AHDC1: variants seen among roughly 807,000 people sequenced by gnomAD.
The protein encoded by AHDC1 is transcription factor Gibbin.
A neutral mutation model predicts 87.9 loss-of-function variants in AHDC1; 7 were observed. The ratio of observed to expected loss-of-function variants is 0.08; its 90% CI spans 0.05 to 0.15. The LOEUF is 0.15. Ranked by LOEUF, AHDC1 falls within the 10% of genes least tolerant of loss-of-function variation. The pLI is 1.00. For missense variants in AHDC1, 1,841 were observed against 2,253.2 expected (o/e 0.82, Z 3.70); for synonymous variants, 1,051 against 1,006.8 (o/e 1.04, Z -0.83).
intron 8 of AHDC1, among the ~76,000 whole-genome samples, chr1:27,538,350 C>CTGAGATCGT (rs2018740325): frequency 6.9e-6 from 1 of 145,520 alleles, no homozygotes; most frequent in African/African-American, 2.6e-5. Context: ...TTGCAGTGAG[C>CTGAGATCGT]TGAGATCGTG....
rs200495289 is a variant in AHDC1 at position 27,548,790 on chromosome 1, G to A, written c.3326C>T (p.Pro1109Leu). The A allele has an allele frequency of 2.0e-4, 315 of 1,612,976 alleles. No homozygotes were observed. The highest frequency in any genetic ancestry group is 2.6e-4 in the Non-Finnish European group (307 of 1,179,884). The change falls in exon 8 of 9, where the codon CCT becomes CTT. Residue 1109 changes from proline (P) to leucine (L), a missense_variant. Around this residue, in one of 13 missense-constraint regions of AHDC1, gnomAD observed 378 missense variants for 399.0 expected, o/e 0.95. Transcript: ENST00000673934. Reference sequence around the variant, plus strand: ...CAGGCCTCCATAGCCCTGCCGGAAAGGCCACTGAGAAGCCCCCGCAAACTG... The same window carrying A: ...CAGGCCTCCATAGCCCTGCCGGAAAAGCCACTGAGAAGCCCCCGCAAACTG... ...CRQFAGASQW[P>L]FRQGYGGLDW...
In AHDC1 at chr1:27,562,485, G is replaced by C. The variant is rs1213538299; in HGVS notation, c.-628-3602C>G. Among the ~76,000 whole-genome samples, 4 of 152,162 alleles carry C rather than the reference G, an allele frequency of 2.6e-5. No individual in the cohort carries two copies. The highest frequency in any genetic ancestry group is 2.6e-4 in the Admixed American group (4 of 15,284). On this transcript the variant is annotated intron_variant, in intron 3 of 8. Transcript: ENST00000673934. This position sits in a 1 kb window ranked among gnomAD's most constrained non-coding sequence, Gnocchi z 4.4. ...AGGGACACAGCCCCCTGCCTCCCAT[G>C]CAAACCCTGCCTTGGTGCCCCACCT...
In AHDC1 at chr1:27,550,967, G is replaced by T; in HGVS notation, c.1149C>A (p.Ala383=). The change falls in exon 8 of 9, where the codon GCC becomes GCA. Residue 383 remains alanine, a synonymous_variant. Transcript: ENST00000673934. ...TCTTTGGCCTATCAGTGCGCCGCAA[G>T]GCGTACTTGGGGTGACCCTCAGGCC... is the stretch of plus-strand genomic sequence containing the variant. ...PPGPEGHPKY[A]LRRTDRPKIL... 6.3e-7 allele frequency: 1 copy of T among 1,595,360 alleles called. No homozygotes were observed. The highest frequency in any genetic ancestry group is 1.1e-5 in the South Asian group (1 of 90,168).
In AHDC1 at chr1:27,550,274, G is replaced by A. The variant is rs150761117; in HGVS notation, c.1842C>T (p.Asp614=). 6.4e-5 allele frequency: 103 copies of A among 1,614,014 alleles called. No homozygotes were observed. In the African/African-American group the frequency reaches 1.1e-3, roughly 17 times the overall value. The part of the protein sequence containing the change: ...DANDSKAEYS[D]VLAKLAFLNR... ...TCAGGAAGGCCAGCTTGGCCAGGAC[G>A]TCTGAGTACTCGGCCTTGCTGTCGT... The change falls in exon 8 of 9, where the codon GAC becomes GAT. Residue 614 remains aspartate (D), a synonymous_variant. Coordinates refer to ENST00000673934, the MANE Select transcript of AHDC1 (RefSeq NM_001371928.1).
At chr1:27,570,185 C>T (rs761845560) in intron 3 of AHDC1, among the ~76,000 whole-genome samples, 1 of 152,114 alleles carries the variant, frequency 6.6e-6, no homozygotes, top group Admixed American at 6.5e-5. Context: ...GAATGCTCCT[C>T]CCTGCCCCCT....
chr1:27,549,757 C>T lies in AHDC1; in HGVS notation c.2359G>A (p.Ala787Thr), dbSNP rs759463763. The change falls in exon 8 of 9, where the codon GCT becomes ACT. Residue 787 changes from alanine to threonine, a missense_variant. This residue lies in a region of AHDC1 where 236 missense variants were observed against 257.9 expected (regional missense o/e 0.92). Transcript: ENST00000673934. ...APHHGHPGGQ[A>T]GRNCGFQGTE... ...CCCTGAAACCCACAGTTTCGGCCAG[C>T]TTGTCCGCCTGGGTGCCCATGGTGA... 7 of 1,613,190 alleles carry T rather than the reference C, an allele frequency of 4.3e-6. No homozygotes were observed. The Admixed American group carries it at 1.2e-4, about 27-fold the overall frequency.
chr1:27,579,386 C>G (rs536672720), intron 3 of AHDC1, among the ~76,000 whole-genome samples: 2 of 152,274 alleles, frequency 1.3e-5, no homozygotes, highest in African/African-American at 4.8e-5. Context: ...CTCACCACCC[C>G]ACACCACCCC....
chr1:27,574,827 G>A (rs2088661861), intron 3 of AHDC1, among the ~76,000 whole-genome samples: 1 of 152,210 alleles, frequency 6.6e-6, no homozygotes, highest in South Asian at 2.1e-4. Context: ...ATAGTGCCAA[G>A]AGTGAGCCCT....
intron 3 of AHDC1, among the ~76,000 whole-genome samples, chr1:27,591,109 G>T (rs999334916): frequency 6.6e-6 from 1 of 152,216 alleles, no homozygotes; most frequent in Non-Finnish European, 1.5e-5. Flanking sequence ...TGTTGCCAGG[G>T]AGTTTCCACC....
At chr1:27,543,050 C>T (rs111836852) in intron 8 of AHDC1, among the ~76,000 whole-genome samples, 1 of 152,352 alleles carries the variant, frequency 6.6e-6, no homozygotes, top group East Asian at 1.9e-4. Flanking sequence ...AGAGCAGCTG[C>T]GGCCTGGTCC....
At chr1:27,583,517 A>G (rs190176869) in intron 3 of AHDC1, among the ~76,000 whole-genome samples, 169 of 152,134 alleles carry the variant, frequency 1.1e-3, no homozygotes, top group Non-Finnish European at 2.0e-3. Flanking sequence ...TTCATTCTCT[A>G]ATTGTTTCCT....
At chr1:27,572,235 G>C (rs1161838650) in intron 3 of AHDC1, among the ~76,000 whole-genome samples, 1 of 152,170 alleles carries the variant, frequency 6.6e-6, no homozygotes, top group African/African-American at 2.4e-5. Flanking sequence ...GCCTGTTCCT[G>C]ACTTAGGCAC....
At position 27,547,583 on chromosome 1, in the gene AHDC1, C is replaced by G. The variant is rs139569820; in HGVS notation, c.4533G>C (p.Thr1511=). The change falls in exon 8 of 9, where the codon ACG becomes ACC. Residue 1511 remains threonine, a synonymous_variant. Coordinates refer to ENST00000673934, the MANE Select transcript of AHDC1 (RefSeq NM_001371928.1). This position sits in a 1 kb window ranked among gnomAD's most constrained non-coding sequence, Gnocchi z 4.9. ...CCAGTGGCTCCTTGTCGGCCTTGGG[C>G]GTGGCTGGTGGGCTAGCCAGGTGAG... ...SAPHLASPPA[T]PKADKEPLEM... is the part of the protein sequence containing the mutation. 1 of 1,608,374 alleles carries G rather than the reference C, an allele frequency of 6.2e-7. No individual in the cohort carries two copies. Among genetic ancestry groups the G allele is most frequent in the South Asian group, 1.1e-5 (1 of 90,570 alleles).
intron 3 of AHDC1, among the ~76,000 whole-genome samples, chr1:27,576,635 A>G (rs2148422122): frequency 6.6e-6 from 1 of 152,338 alleles, no homozygotes; most frequent in Non-Finnish European, 1.5e-5. Context: ...CACTGAACAC[A>G]GTGTTCACCC....
At position 27,562,016 on chromosome 1, in the gene AHDC1, C is replaced by G. The variant is rs139467936; in HGVS notation, c.-628-3133G>C. 6.6e-6 allele frequency among the ~76,000 whole-genome samples: 1 copy of G among 151,718 alleles called. No homozygotes were observed. Among genetic ancestry groups the G allele is most frequent in the Non-Finnish European group, 1.5e-5 (1 of 67,936 alleles). On this transcript the variant is annotated intron_variant, in intron 3 of 8. Coordinates refer to ENST00000673934, the MANE Select transcript of AHDC1 (RefSeq NM_001371928.1). The surrounding 1 kb of genome is among the most constrained non-coding windows in gnomAD (Gnocchi z 4.4). Reference sequence around the variant, plus strand: ...AAGAGCCCCAGAGGGGAGAGAGGCACGGGGGAAGCGAGCCAGGCAGAGATG... The same window carrying G: ...AAGAGCCCCAGAGGGGAGAGAGGCAGGGGGGAAGCGAGCCAGGCAGAGATG...
chr1:27,574,209 G>A (rs532186067), intron 3 of AHDC1, among the ~76,000 whole-genome samples: 10 of 152,284 alleles, frequency 6.6e-5, no homozygotes, highest in Admixed American at 2.0e-4. Flanking sequence ...GCCAGCCCCC[G>A]CCCCACCCCC....
chr1:27,584,628 T>C (rs897557910), intron 3 of AHDC1, among the ~76,000 whole-genome samples: 46 of 152,152 alleles, frequency 3.0e-4, no homozygotes, highest in Admixed American at 1.0e-3. Context: ...ACCTCTCCCA[T>C]TGGTGGCCAG....
intron 3 of AHDC1, among the ~76,000 whole-genome samples, chr1:27,576,442 A>T (rs538811300): frequency 6.6e-6 from 1 of 152,242 alleles, no homozygotes; most frequent in African/African-American, 2.4e-5. Flanking sequence ...CTGCTAACAC[A>T]GGGCACCTGC....
intron 3 of AHDC1, among the ~76,000 whole-genome samples, 155 bp downstream of exon 3, chr1:27,603,242 G>C (rs1452532840): frequency 6.8e-6 from 1 of 146,254 alleles, no homozygotes; most frequent in Non-Finnish European, 1.5e-5. Context: ...CGCGGGCCCC[G>C]GTGGAAACAA....
Sources: gnomAD v4.1 joint callset for allele counts (sites outside exome capture counted in the v4.1 genomes callset) on GRCh38, gnomAD v4.1.1 for gene constraint, gnomAD v4.1.1 regional missense constraint, Gnocchi (gnomAD v3.1) non-coding constraint, MANE v1.5 for transcripts, NCBI Gene and HGNC (gene_info 2026-07-23, HGNC 2026-07-21) for gene names.